The following CDH12 variants were observed in gnomAD, a reference collection of about 807,000 sequenced individuals.
CDH12 encodes the protein cadherin-12.
A neutral mutation model predicts 74.1 loss-of-function variants in CDH12; 41 were observed. The observed-to-expected ratio is 0.55, with a 90% CI of 0.43 to 0.72. CDH12 has a LOEUF of 0.72. CDH12 is among the 30% of genes least tolerant of loss of function. The pLI is 0.00. For missense variants in CDH12, 945 were observed against 977.2 expected (o/e 0.97, Z 0.44); for synonymous variants, 399 against 355.0 (o/e 1.12, Z -1.39).
intron 3 of CDH12, among the ~76,000 whole-genome samples, chr5:22,384,717 T>G (rs1189137712): frequency 6.6e-6 from 1 of 152,108 alleles, no homozygotes; most frequent in East Asian, 1.9e-4. Flanking sequence ...AGTATAGATG[T>G]GTATGTATGT....
At chr5:22,670,173 T>C (rs1460215368) in intron 1 of CDH12, among the ~76,000 whole-genome samples, 6 of 152,090 alleles carry the variant, frequency 3.9e-5, no homozygotes, top group Admixed American at 3.9e-4. Context: ...AGCAGCTTTT[T>C]GTTTATTTGT....
chr5:22,153,215 T>G (rs183243057), intron 4 of CDH12, among the ~76,000 whole-genome samples: 3 of 151,390 alleles, frequency 2.0e-5, no homozygotes, highest in East Asian at 1.9e-4. Flanking sequence ...CTCCATACTG[T>G]TTTCCACAGT....
chr5:22,212,583 A>G lies in CDH12; in HGVS notation c.-272T>C, dbSNP rs538564322. The G allele has an allele frequency of 9.0e-5, 89 of 985,658 alleles. No homozygotes were observed. Among genetic ancestry groups the G allele is most frequent in the Non-Finnish European group, 1.0e-4 (83 of 829,776 alleles). The allele number at this position is 985,658 out of a possible 1,614,324, so 61.1% of individuals were successfully genotyped here. On this transcript the variant is annotated 5_prime_UTR_variant, in exon 4 of 15. Transcript: ENST00000382254. ...GTGGGGAGATCGAAGTTTTCAATCA[A>G]CACCCTCCAAGTAGCTGCATCCTGT... is the stretch of plus-strand genomic sequence containing the variant.
intron 2 of CDH12, among the ~76,000 whole-genome samples, chr5:22,447,536 A>G (rs772056249): frequency 3.9e-5 from 6 of 152,136 alleles, no homozygotes; most frequent in Non-Finnish European, 2.9e-5. Context: ...CTATTTTTGT[A>G]TTAAATAATA....
intron 6 of CDH12, chr5:21,883,559 A>G (rs1752472520): frequency 4.4e-6 from 7 of 1,607,938 alleles, no homozygotes; most frequent in Admixed American, 1.7e-5. Flanking sequence ...CTGGTGGTGC[A>G]GTGTTTGGAG....
chr5:21,771,277 A>C (rs1204290561), intron 11 of CDH12, among the ~76,000 whole-genome samples: 2 of 152,072 alleles, frequency 1.3e-5, no homozygotes, highest in African/African-American at 4.8e-5. Context: ...ATGGAATCTT[A>C]GCCTTTTATG....
chr5:21,842,077 G>A (rs1227673070), intron 8 of CDH12, 84 bp downstream of exon 8: 1 of 1,000,618 alleles, frequency 1.0e-6, no homozygotes, highest in East Asian at 2.5e-5. Context: ...TCTGGAAAAT[G>A]ATTGTCATTC....
intron 3 of CDH12, among the ~76,000 whole-genome samples, chr5:22,284,208 G>A (rs996292990): frequency 3.3e-5 from 5 of 152,036 alleles, no homozygotes; most frequent in African/African-American, 4.8e-5. Context: ...AAGATGATAC[G>A]AGAAAAAAGT....
In CDH12 at chr5:22,797,817, T is replaced by G. The variant is rs1581010208; in HGVS notation, c.-523+55241A>C. The stretch of plus-strand genomic sequence containing the variant: ...TGACTTAAGATTTTGAATTCCTTAC[T>G]ATTTGTGTGACTTTTAGAAAATGTG... On this transcript the variant is annotated intron_variant, in intron 1 of 14. Transcript: ENST00000382254. Among the ~76,000 whole-genome samples the G allele has an allele frequency of 4.6e-5, 7 of 152,324 alleles. No individual in the cohort carries two copies. The South Asian group carries it at 1.4e-3, about 32-fold the overall frequency.
At chr5:22,160,613 CAGTTCTAG>C (rs1444670703) in intron 4 of CDH12, among the ~76,000 whole-genome samples, 2 of 152,164 alleles carry the variant, frequency 1.3e-5, no homozygotes, top group Admixed American at 6.5e-5. Flanking sequence ...TTATATTTAA[CAGTTCTAG>C]AGGCTAGTTT....
intron 6 of CDH12, among the ~76,000 whole-genome samples, chr5:21,878,793 GAAAGAAAGAAGA>G (rs1752077575): frequency 1.1e-4 from 7 of 65,598 alleles, no homozygotes; most frequent in Non-Finnish European, 2.2e-4. Flanking sequence ...AAAAAAGAAA[GAAAGAAAGAAGA>G]AAGAAAGAAA....
At chr5:21,875,359 A>G (rs549048197) in intron 6 of CDH12, among the ~76,000 whole-genome samples, 6 of 152,336 alleles carry the variant, frequency 3.9e-5, no homozygotes, top group South Asian at 4.1e-4. Context: ...GTGAAAATGC[A>G]TATAAATTTC....
At chr5:21,787,822 G>T (rs572110632) in intron 10 of CDH12, among the ~76,000 whole-genome samples, 6 of 152,286 alleles carry the variant, frequency 3.9e-5, no homozygotes, top group African/African-American at 1.4e-4. Context: ...CAAAAGGTCA[G>T]AAAACATAGA....
chr5:22,476,989 C>A (rs1039996698), intron 2 of CDH12, among the ~76,000 whole-genome samples: 5 of 152,106 alleles, frequency 3.3e-5, no homozygotes, highest in African/African-American at 1.2e-4. Flanking sequence ...CAAGGCCCAT[C>A]AATAGGCCTT....
Position 22,837,271 on chromosome 5 carries a change from A to T in CDH12, c.-523+15787T>A, listed in dbSNP as rs80101232. Among the ~76,000 whole-genome samples, 1,154 of 152,092 alleles carry T rather than the reference A, an allele frequency of 7.6e-3. 13 individuals are homozygous for T. Among genetic ancestry groups the T allele is most frequent in the African/African-American group, 0.026 (1,095 of 41,510 alleles). ...TGTTTCTACGAACAAAAATTTTAAA[A>T]AAATTAGCTGGGTGTGGTCCTAGCT... On this transcript the variant is annotated intron_variant, in intron 1 of 14. Coordinates refer to ENST00000382254, the MANE Select transcript of CDH12 (RefSeq NM_004061.5).
At chr5:22,617,351 C>T (rs2126834858) in intron 1 of CDH12, among the ~76,000 whole-genome samples, 1 of 152,132 alleles carries the variant, frequency 6.6e-6, no homozygotes, top group Admixed American at 6.6e-5. Flanking sequence ...TTGTTGTTTA[C>T]AGTGACCCAA....
At chr5:22,451,897 A>G (rs762641705) in intron 2 of CDH12, among the ~76,000 whole-genome samples, 7 of 151,956 alleles carry the variant, frequency 4.6e-5, no homozygotes, top group Non-Finnish European at 1.0e-4. Context: ...CACAACATCA[A>G]CATATAAAAA....
rs1487974299 is a variant in CDH12 at position 22,343,339 on chromosome 5, G to C, written c.-333+61918C>G. ...ACACACACACAGAGAGAGAGAGAGA[G>C]AGAGAGAGAGAGAGAGAGAGAGAGA... is the stretch of plus-strand genomic sequence containing the variant. On this transcript the variant is annotated intron_variant, in intron 3 of 14. Coordinates refer to ENST00000382254, the MANE Select transcript of CDH12 (RefSeq NM_004061.5). Among the ~76,000 whole-genome samples the C allele has an allele frequency of 6.1e-3, 893 of 147,304 alleles. 8 individuals are homozygous for C. Among genetic ancestry groups the C allele is most frequent in the Middle Eastern group, 0.01 (3 of 288 alleles).
intron 1 of CDH12, among the ~76,000 whole-genome samples, chr5:22,569,722 C>G (rs1051380373): frequency 6.6e-6 from 1 of 152,106 alleles, no homozygotes; most frequent in Non-Finnish European, 1.5e-5. Flanking sequence ...CCATGAGTTA[C>G]AGCAATTTAG....
Sources: gnomAD v4.1 joint callset for allele counts (sites outside exome capture counted in the v4.1 genomes callset) on GRCh38, gnomAD v4.1.1 for gene constraint, MANE v1.5 for transcripts, NCBI Gene and HGNC (gene_info 2026-07-23, HGNC 2026-07-21) for gene names.